The following PCDHA12 variants were observed in gnomAD, a reference collection of about 807,000 sequenced individuals.
PCDHA12 encodes the protein protocadherin alpha 12, also known as protocadherin alpha-12.
In PCDHA12, 44 loss-of-function variants were observed where a neutral mutation model predicts 60.0. The ratio of observed to expected loss-of-function variants is 0.73; its 90% confidence interval spans 0.58 to 0.94. The LOEUF (loss-of-function observed/expected upper bound fraction) is 0.94, where lower values mean the gene tolerates loss of function less well. PCDHA12 is among the 40% of genes least tolerant of loss of function. PCDHA12 has a pLI of 0.00. For missense variants in PCDHA12, 1,276 were observed against 1,239.7 expected (o/e 1.03, Z -0.44); for synonymous variants, 569 against 553.0 (o/e 1.03, Z -0.40).
intron 1 of PCDHA12, chr5:140,927,853 G>T: frequency 6.2e-7 from 1 of 1,614,214 alleles, no homozygotes; most frequent in Non-Finnish European, 8.5e-7. Context: ...CTTTGGTTTA[G>T]CTAGCACCGC....
chr5:140,977,084 A>C lies in PCDHA12; in HGVS notation c.2368-1865A>C, dbSNP rs545652987. On this transcript the variant is annotated intron_variant, in intron 1 of 3. Coordinates refer to ENST00000398631, the MANE Select transcript of PCDHA12 (RefSeq NM_018903.4). ...TAGAAAATAGCAGCATGACAAATTA[A>C]ATGTGTCATTGGGGAAGTGAGATTG... is the stretch of plus-strand genomic sequence containing the variant. 2.0e-5 allele frequency among the ~76,000 whole-genome samples: 3 copies of C among 152,336 alleles called. No individual in the cohort carries two copies. The East Asian group carries it at 5.8e-4, about 29-fold the overall frequency.
intron 1 of PCDHA12, among the ~76,000 whole-genome samples, chr5:140,974,022 A>G (rs1348109814): frequency 2.0e-5 from 3 of 152,248 alleles, no homozygotes; most frequent in African/African-American, 4.8e-5. Context: ...TGATAATACA[A>G]CTATAAATTT....
At chr5:140,928,506 A>G (rs1554205940) in intron 1 of PCDHA12, 4 of 1,614,090 alleles carry the variant, frequency 2.5e-6, no homozygotes, top group African/African-American at 1.3e-5. Context: ...GAAGTGCAAC[A>G]GTGACTATAA....
At chr5:140,946,165 G>A (rs1554217364) in intron 1 of PCDHA12, among the ~76,000 whole-genome samples, 5 of 151,838 alleles carry the variant, frequency 3.3e-5, no homozygotes, top group African/African-American at 1.2e-4. Flanking sequence ...TTAAAAGATG[G>A]GTAAAGGATG....
chr5:140,917,042 G>A (rs73793522), intron 1 of PCDHA12, among the ~76,000 whole-genome samples: 8,683 of 152,228 alleles, frequency 0.057, 736 homozygotes, highest in African/African-American at 0.19. Flanking sequence ...GTCCAGCACA[G>A]TGTTGTTCCC....
chr5:140,924,926 T>A (rs1554202369), intron 1 of PCDHA12, among the ~76,000 whole-genome samples: 1 of 119,426 alleles, frequency 8.4e-6, no homozygotes, highest in African/African-American at 3.1e-5. Flanking sequence ...TAAAATAAAA[T>A]AAAATAAAAT....
chr5:140,886,565 C>T (rs1298575680), intron 1 of PCDHA12, among the ~76,000 whole-genome samples: 1 of 152,100 alleles, frequency 6.6e-6, no homozygotes, highest in Admixed American at 6.5e-5. Flanking sequence ...CGGTGGCTCA[C>T]GCCTGTAATC....
At chr5:140,878,274 C>A (rs1273765492) in intron 1 of PCDHA12, among the ~76,000 whole-genome samples, 2 of 152,092 alleles carry the variant, frequency 1.3e-5, no homozygotes, top group Non-Finnish European at 2.9e-5. Context: ...TTTAAAATAG[C>A]CTTCTTGATC....
intron 3 of PCDHA12, among the ~76,000 whole-genome samples, chr5:141,008,458 C>T (rs1234894606): frequency 3.9e-5 from 6 of 152,252 alleles, no homozygotes; most frequent in Middle Eastern, 3.4e-3. Context: ...CCTTCCTCTC[C>T]AGCTCTGACT....
chr5:140,881,012 G>C (rs1445864276), intron 1 of PCDHA12, among the ~76,000 whole-genome samples: 2 of 152,202 alleles, frequency 1.3e-5, no homozygotes, highest in Admixed American at 1.3e-4. Flanking sequence ...CAGAGCTATG[G>C]AAATAAACCC....
chr5:140,913,082 CA>C (rs1341633290), intron 1 of PCDHA12, among the ~76,000 whole-genome samples: 2 of 152,108 alleles, frequency 1.3e-5, no homozygotes, highest in Non-Finnish European at 2.9e-5. Flanking sequence ...TGTTTGGTAT[CA>C]GGATAATACT....
intron 1 of PCDHA12, chr5:140,969,231 C>A (rs782084659): frequency 6.2e-7 from 1 of 1,614,110 alleles, no homozygotes; most frequent in Non-Finnish European, 8.5e-7. Context: ...CCTTCGGGAG[C>A]CCAAGCAGCA....
chr5:140,941,259 T>G (rs368206632), intron 1 of PCDHA12, among the ~76,000 whole-genome samples: 1 of 121,734 alleles, frequency 8.2e-6, no homozygotes, highest in Non-Finnish European at 1.8e-5. Flanking sequence ...TTCTTTCTCT[T>G]TCTTTCTTTC....
At chr5:140,920,632 T>G (rs1054888668) in intron 1 of PCDHA12, among the ~76,000 whole-genome samples, 1 of 152,018 alleles carries the variant, frequency 6.6e-6, no homozygotes, top group South Asian at 2.1e-4. Context: ...GATCACAAGG[T>G]CAAGAGATTG....
intron 1 of PCDHA12, among the ~76,000 whole-genome samples, chr5:140,910,949 C>T (rs1413845849): frequency 1.3e-5 from 2 of 152,112 alleles, no homozygotes; most frequent in African/African-American, 2.4e-5. Context: ...CAGTTCTTTT[C>T]GAGTGTAGCA....
chr5:140,881,230 G>A (rs1467821983), intron 1 of PCDHA12: 2 of 301,850 alleles, frequency 6.6e-6, no homozygotes, highest in Non-Finnish European at 9.8e-6. Flanking sequence ...GAAAATTAAA[G>A]TCAATTTAAA....
intron 1 of PCDHA12, among the ~76,000 whole-genome samples, chr5:140,921,890 G>A (rs1167996919): frequency 1.3e-5 from 2 of 151,710 alleles, no homozygotes; most frequent in African/African-American, 2.4e-5. Flanking sequence ...ATTTTAGAAA[G>A]GAGGATAAAT....
At chr5:140,898,410 C>T (rs1554187963) in intron 1 of PCDHA12, among the ~76,000 whole-genome samples, 4 of 152,212 alleles carry the variant, frequency 2.6e-5, no homozygotes. Flanking sequence ...CTACATACGG[C>T]TAGCCAGTTT....
At chr5:140,998,522 A>G (rs2097818629) in intron 3 of PCDHA12, among the ~76,000 whole-genome samples, 1 of 151,980 alleles carries the variant, frequency 6.6e-6, no homozygotes, top group South Asian at 2.1e-4. Context: ...TATTATTCAT[A>G]TTTATATCCC....
Sources: gnomAD v4.1 joint callset for allele counts (sites outside exome capture counted in the v4.1 genomes callset) on GRCh38, gnomAD v4.1.1 for gene constraint, MANE v1.5 for transcripts, NCBI Gene and HGNC (gene_info 2026-07-23, HGNC 2026-07-21) for gene names.